The following RETREG1 variants were observed in gnomAD, a reference collection of about 807,000 sequenced individuals.
RETREG1 encodes the protein family with sequence similarity 134 member B.
Under a neutral mutation model 54.8 loss-of-function variants are expected in RETREG1, and 44 were observed. That is an observed-to-expected ratio of 0.80 (90% CI 0.63 to 1.03). The LOEUF (loss-of-function observed/expected upper bound fraction) is 1.03, where lower values mean the gene tolerates loss of function less well. RETREG1 is among the 50% of genes least tolerant of loss of function. RETREG1 has a pLI of 0.00. For missense variants in RETREG1, 554 were observed against 605.1 expected, an observed-to-expected ratio of 0.92 and a Z score of 0.89; for synonymous variants, 217 against 238.5, an observed-to-expected ratio of 0.91 and a Z score of 0.83.
Position 16,475,098 on chromosome 5 carries a change from C to G in RETREG1, c.1137G>C (p.Gln379His), listed in dbSNP as rs1282248296. The change falls in exon 9 of 9, where the codon CAG becomes CAC. Residue 379 changes from glutamine to histidine, a missense_variant. Gln to His is a conservative substitution (Grantham distance 24, BLOSUM62 0). Around this residue, in one of 4 missense-constraint regions of RETREG1, gnomAD observed 347 missense variants for 412.3 expected, o/e 0.84. Transcript: ENST00000306320. The part of the protein sequence containing the change: ...LPTELKRKKE[Q>H]LDSGHRPSKE... ...TGCTTGGTCTGTGACCACTGTCCAA[C>G]TGTTCCTTCTTTCTCTTGAGCTCAG... The G allele has an allele frequency of 2.5e-6, 4 of 1,613,856 alleles. No homozygotes were observed. The highest frequency in any genetic ancestry group is 3.4e-6 in the Non-Finnish European group (4 of 1,179,942).
intron 1 of RETREG1, among the ~76,000 whole-genome samples, chr5:16,600,812 C>T (rs1468144162): frequency 1.3e-5 from 2 of 151,986 alleles, no homozygotes; most frequent in Non-Finnish European, 2.9e-5. Flanking sequence ...AAGAAAACCT[C>T]GAATAAACTA....
intron 1 of RETREG1, among the ~76,000 whole-genome samples, chr5:16,578,124 G>A (rs189879807): frequency 5.2e-4 from 79 of 152,208 alleles, no homozygotes; most frequent in Non-Finnish European, 8.2e-4. Flanking sequence ...TATTCAGGTC[G>A]CCTCTCAGGT....
At chr5:16,526,373 A>G (rs538468301) in intron 3 of RETREG1, among the ~76,000 whole-genome samples, 11 of 152,338 alleles carry the variant, frequency 7.2e-5, no homozygotes, top group African/African-American at 2.6e-4. Context: ...TCACAGGACC[A>G]GTGTCAACTG....
intron 3 of RETREG1, among the ~76,000 whole-genome samples, chr5:16,513,144 G>A (rs572664486): frequency 1.3e-5 from 2 of 152,102 alleles, no homozygotes; most frequent in Non-Finnish European, 2.9e-5. Flanking sequence ...TGTCTGACTG[G>A]GTCAAATTAG....
At chr5:16,578,222 C>G (rs181738765) in intron 1 of RETREG1, among the ~76,000 whole-genome samples, 63 of 152,186 alleles carry the variant, frequency 4.1e-4, no homozygotes, top group African/African-American at 1.5e-3. Flanking sequence ...TTAAAATGTT[C>G]AAAGGAATAT....
At chr5:16,491,343 A>C (rs999777202) in intron 3 of RETREG1, among the ~76,000 whole-genome samples, 3 of 152,224 alleles carry the variant, frequency 2.0e-5, no homozygotes, top group African/African-American at 4.8e-5. Flanking sequence ...TGACATTTGT[A>C]ACACTGACTC....
chr5:16,596,056 A>C (rs753084574), intron 1 of RETREG1, among the ~76,000 whole-genome samples: 1 of 152,244 alleles, frequency 6.6e-6, no homozygotes, highest in African/African-American at 2.4e-5. Context: ...GATATGGGTC[A>C]TAATGTCACC....
intron 1 of RETREG1, among the ~76,000 whole-genome samples, chr5:16,595,553 C>T (rs1229877701): frequency 1.3e-5 from 2 of 152,284 alleles, no homozygotes; most frequent in African/African-American, 4.8e-5. Flanking sequence ...AATGCATTTT[C>T]AACTGCCAAA....
rs778854683 is a variant in RETREG1 at position 16,591,706 on chromosome 5, G to A, written c.321-19604C>T. Among the ~76,000 whole-genome samples, 10 of 152,282 alleles carry A rather than the reference G, an allele frequency of 6.6e-5. No individual in the cohort carries two copies. In the South Asian group the frequency reaches 1.2e-3, roughly 19 times the overall value. On this transcript the variant is annotated intron_variant, in intron 1 of 8. Coordinates refer to ENST00000306320, the MANE Select transcript of RETREG1 (RefSeq NM_001034850.3). The stretch of plus-strand genomic sequence containing the variant: ...CTTTCTCTAATTAAACAAGGGGGAC[G>A]AAGCCCTCCCTTAGCACAGGCCCTA...
At chr5:16,587,485 CA>C (rs1424069819) in intron 1 of RETREG1, among the ~76,000 whole-genome samples, 1 of 152,146 alleles carries the variant, frequency 6.6e-6, no homozygotes, top group Admixed American at 6.5e-5. Context: ...TTTAATAAAC[CA>C]ATCTCAATGT....
At position 16,475,079 on chromosome 5, in the gene RETREG1, G is replaced by T. The variant is rs1427260133; in HGVS notation, c.1156C>A (p.Pro386Thr). ...GCTGCTGATTGCGTCTCTTTGCTTG[G>T]TCTGTGACCACTGTCCAACTGTTCC... The part of the protein sequence containing the change: ...KKEQLDSGHR[P>T]SKETQSAAGL... Residue 386 changes from proline (P) to threonine (T), a missense_variant, in exon 9 of 9, where the codon CCA becomes ACA. Pro to Thr is a conservative substitution (Grantham distance 38). This residue lies in a region of RETREG1 where 347 missense variants were observed against 412.3 expected (regional missense o/e 0.84). Transcript: ENST00000306320. The T allele has an allele frequency of 1.2e-6, 2 of 1,613,922 alleles. No individual in the cohort carries two copies. Among genetic ancestry groups the T allele is most frequent in the Non-Finnish European group, 1.7e-6 (2 of 1,179,932 alleles).
intron 4 of RETREG1, among the ~76,000 whole-genome samples, chr5:16,481,413 T>C (rs1337067893): frequency 2.0e-5 from 3 of 152,110 alleles, no homozygotes; most frequent in African/African-American, 4.8e-5. Flanking sequence ...AGAAAACTAT[T>C]ATGTTCCCAG....
intron 3 of RETREG1, among the ~76,000 whole-genome samples, chr5:16,514,816 A>C (rs576547776): frequency 3.3e-5 from 5 of 151,770 alleles, no homozygotes; most frequent in African/African-American, 1.2e-4. Context: ...CTTCACGTAG[A>C]ATAACGGTCT....
At chr5:16,602,632 G>A (rs1019800163) in intron 1 of RETREG1, among the ~76,000 whole-genome samples, 3 of 152,190 alleles carry the variant, frequency 2.0e-5, no homozygotes, top group Non-Finnish European at 4.4e-5. Flanking sequence ...AGGGAAGGGG[G>A]ATGAGAAGAG....
At chr5:16,507,398 A>G (rs1388272220) in intron 3 of RETREG1, among the ~76,000 whole-genome samples, 1 of 152,250 alleles carries the variant, frequency 6.6e-6, no homozygotes, top group African/African-American at 2.4e-5. Context: ...GATACATACG[A>G]GTAAATCAAC....
At chr5:16,522,476 G>A (rs1049181277) in intron 3 of RETREG1, among the ~76,000 whole-genome samples, 1 of 152,150 alleles carries the variant, frequency 6.6e-6, no homozygotes, top group Non-Finnish European at 1.5e-5. Flanking sequence ...CGGGGTATGA[G>A]CAAAACACCT....
chr5:16,581,835 ATATTT>A (rs897109496), intron 1 of RETREG1, among the ~76,000 whole-genome samples: 3 of 152,182 alleles, frequency 2.0e-5, no homozygotes, highest in Non-Finnish European at 2.9e-5. Flanking sequence ...ACCTTTTAAA[ATATTT>A]TATTTTATTT....
chr5:16,586,603 G>A (rs1030329862), intron 1 of RETREG1, among the ~76,000 whole-genome samples: 1 of 152,152 alleles, frequency 6.6e-6, no homozygotes, highest in Admixed American at 6.6e-5. Flanking sequence ...CAAACCACTG[G>A]ACTGCGAAGG....
intron 3 of RETREG1, among the ~76,000 whole-genome samples, chr5:16,551,290 C>T (rs1194280144): frequency 7.5e-6 from 1 of 132,662 alleles, no homozygotes; most frequent in East Asian, 2.2e-4. Context: ...TCCTCCTCCA[C>T]ACATATAAAC....
Sources: gnomAD v4.1 joint callset for allele counts (sites outside exome capture counted in the v4.1 genomes callset) on GRCh38, gnomAD v4.1.1 for gene constraint, gnomAD v4.1.1 regional missense constraint, MANE v1.5 for transcripts, NCBI Gene and HGNC (gene_info 2026-07-23, HGNC 2026-07-21) for gene names.